The following DSCAML1 variants were observed in gnomAD, a reference collection of about 807,000 sequenced individuals.
DSCAML1 encodes the protein DS cell adhesion molecule like 1, also known as cell adhesion molecule DSCAML1.
In DSCAML1, 38 loss-of-function variants were observed where a neutral mutation model predicts 200.5. That is an observed-to-expected ratio of 0.19 (90% CI 0.15 to 0.25). The LOEUF (loss-of-function observed/expected upper bound fraction) is 0.25. Among genes scored for constraint, DSCAML1 ranks in the 10% least tolerant of loss-of-function variants. The pLI, the probability that DSCAML1 is intolerant of heterozygous loss-of-function variation, is 1.00. For synonymous variants in DSCAML1, 1,215 were observed against 1,165.0 expected, an observed-to-expected ratio of 1.04 and a Z score of -0.87; for missense variants, 2,223 against 2,858.8, an observed-to-expected ratio of 0.78 and a Z score of 5.07.
chr11:117,585,394 C>T (rs939863437), intron 3 of DSCAML1, among the ~76,000 whole-genome samples: 10 of 152,054 alleles, frequency 6.6e-5, no homozygotes, highest in East Asian at 3.9e-4. Flanking sequence ...GGACTACAGG[C>T]GCCCACCACC....
At chr11:117,739,577 G>T (rs755710411) in intron 3 of DSCAML1, among the ~76,000 whole-genome samples, 1 of 152,220 alleles carries the variant, frequency 6.6e-6, no homozygotes, top group Non-Finnish European at 1.5e-5. Flanking sequence ...CGTGAGCCAC[G>T]CAGTGCCCTC....
intron 11 of DSCAML1, among the ~76,000 whole-genome samples, chr11:117,491,795 ACC>A: frequency 6.6e-6 from 1 of 152,050 alleles, no homozygotes; most frequent in Admixed American, 6.6e-5. Flanking sequence ...AAAACAAAAA[ACC>A]CCATGAATAT....
intron 3 of DSCAML1, among the ~76,000 whole-genome samples, chr11:117,766,983 C>T (rs2054908925): frequency 6.6e-6 from 1 of 152,134 alleles, no homozygotes; most frequent in Non-Finnish European, 1.5e-5. Context: ...GTGTACCCCT[C>T]CCTGGCTGTG....
Position 117,441,067 on chromosome 11 carries a change from G to T in DSCAML1, c.3863-1131C>A, listed in dbSNP as rs75291868. ...ATGGTGGCCAGAATGCAGGCTGGAGGTGATGCGTAGCAGTGGGGAGATGAG... is the reference window on the plus strand; with the variant it reads ...ATGGTGGCCAGAATGCAGGCTGGAGTTGATGCGTAGCAGTGGGGAGATGAG... On this transcript the variant is annotated intron_variant, in intron 21 of 32. Coordinates refer to ENST00000651296, the MANE Select transcript of DSCAML1 (RefSeq NM_020693.4). Among the ~76,000 whole-genome samples, 862 of 152,256 alleles carry T rather than the reference G, an allele frequency of 5.7e-3. 17 individuals are homozygous for T. Among genetic ancestry groups the T allele is most frequent in the East Asian group, 0.032 (168 of 5,178 alleles).
chr11:117,792,732 T>C (rs1219582470), intron 1 of DSCAML1, among the ~76,000 whole-genome samples: 2 of 152,120 alleles, frequency 1.3e-5, no homozygotes, highest in Non-Finnish European at 2.9e-5. Flanking sequence ...ACCAGGAATC[T>C]AATGCGGGCC....
chr11:117,428,424 GC>G lies in DSCAML1; in HGVS notation c.6065del (p.Gly2022AlafsTer9). 6.4e-7 allele frequency: 1 copy of G among 1,554,156 alleles called. No individual in the cohort carries two copies. Among genetic ancestry groups the G allele is most frequent in the Non-Finnish European group, 8.7e-7 (1 of 1,154,088 alleles). On this transcript the variant is annotated frameshift_variant, in exon 33 of 33. Coordinates refer to ENST00000651296, the MANE Select transcript of DSCAML1 (RefSeq NM_020693.4). LOFTEE classifies it high-confidence loss of function. ...TCATCTCGAGAAGCGAGTCCCTGGA[GC>G]CCCCCATTTTGGTGTGTGGGCCCCC... is the stretch of plus-strand genomic sequence containing the variant. ...RAGGPHTKMG[G>X]SRDSLLEMST...
At chr11:117,773,060 C>T (rs943990014) in intron 3 of DSCAML1, among the ~76,000 whole-genome samples, 3 of 152,230 alleles carry the variant, frequency 2.0e-5, no homozygotes, top group Non-Finnish European at 4.4e-5. Context: ...GTTTCCTTGG[C>T]CAGCTTCAGG....
chr11:117,563,093 A>G (rs2050694969), intron 3 of DSCAML1, among the ~76,000 whole-genome samples: 1 of 152,228 alleles, frequency 6.6e-6, no homozygotes, highest in African/African-American at 2.4e-5. Context: ...AAGAGCAGTC[A>G]CTGCAGCACC....
intron 3 of DSCAML1, among the ~76,000 whole-genome samples, chr11:117,735,815 C>G (rs2054305983): frequency 6.6e-6 from 1 of 152,192 alleles, no homozygotes; most frequent in South Asian, 2.1e-4. Flanking sequence ...CTGGCTTCCC[C>G]CAAGCCCCAG....
intron 1 of DSCAML1, among the ~76,000 whole-genome samples, chr11:117,811,728 C>A (rs1181215681): frequency 6.6e-6 from 1 of 152,170 alleles, no homozygotes; most frequent in Non-Finnish European, 1.5e-5. Context: ...GACTCCTTCT[C>A]GGCTTAGCAG....
chr11:117,634,464 G>A (rs1045904742), intron 3 of DSCAML1, among the ~76,000 whole-genome samples: 3 of 152,170 alleles, frequency 2.0e-5, no homozygotes, highest in East Asian at 1.9e-4. Context: ...CCGAAGGCCC[G>A]TCCAGCTCCT....
chr11:117,699,850 CAT>C (rs2053639103), intron 3 of DSCAML1, among the ~76,000 whole-genome samples: 1 of 152,226 alleles, frequency 6.6e-6, no homozygotes, highest in Non-Finnish European at 1.5e-5. Flanking sequence ...ACATGCTGGA[CAT>C]ACACATACAC....
chr11:117,606,855 A>G (rs1272773208), intron 3 of DSCAML1, among the ~76,000 whole-genome samples: 1 of 152,226 alleles, frequency 6.6e-6, no homozygotes, highest in Non-Finnish European at 1.5e-5. Context: ...CTTTCTGTGG[A>G]TGGTGCCTGT....
At chr11:117,589,372 G>A (rs2051213962) in intron 3 of DSCAML1, among the ~76,000 whole-genome samples, 2 of 152,070 alleles carry the variant, frequency 1.3e-5, no homozygotes, top group Admixed American at 1.3e-4. Context: ...TATTCTAGGT[G>A]AACAAAGCAA....
intron 3 of DSCAML1, among the ~76,000 whole-genome samples, chr11:117,746,552 A>C (rs1361031096): frequency 3.3e-5 from 5 of 152,094 alleles, no homozygotes; most frequent in African/African-American, 1.2e-4. Flanking sequence ...CTCAGATCCA[A>C]GCCTCCCTCC....
chr11:117,446,025 T>C (rs1475574422), intron 20 of DSCAML1, among the ~76,000 whole-genome samples: 1 of 152,192 alleles, frequency 6.6e-6, no homozygotes, highest in Admixed American at 6.5e-5. Context: ...TGGAAATGAT[T>C]GATAAATTCA....
chr11:117,475,047 G>A lies in DSCAML1; in HGVS notation c.2786-3011C>T, dbSNP rs577646560. Among the ~76,000 whole-genome samples, 10 of 152,186 alleles carry A rather than the reference G, an allele frequency of 6.6e-5. 1 individual carries two copies. In the East Asian group the frequency reaches 1.7e-3, roughly 26 times the overall value. ...TGGGATTACAGGCGTGAGTCACCGC[G>A]CCTGGCCTCTGTGTCATTCTTGAAT... is the stretch of plus-strand genomic sequence containing the variant. On this transcript the variant is annotated intron_variant, in intron 14 of 32. Coordinates refer to ENST00000651296, the MANE Select transcript of DSCAML1 (RefSeq NM_020693.4).
chr11:117,524,693 T>C, intron 5 of DSCAML1, 112 bp downstream of exon 5: 1 of 1,339,346 alleles, frequency 7.5e-7, no homozygotes, highest in Non-Finnish European at 1.0e-6. Context: ...CAGCCAGGGT[T>C]ATTCCCAGGG....
At chr11:117,571,445 C>T (rs2050846583) in intron 3 of DSCAML1, among the ~76,000 whole-genome samples, 2 of 152,204 alleles carry the variant, frequency 1.3e-5, no homozygotes, top group Non-Finnish European at 2.9e-5. Context: ...AGCCCACTCT[C>T]TGGACTCTGT....
Sources: allele counts gnomAD v4.1 joint callset (sites outside exome capture counted in the v4.1 genomes callset), GRCh38; gene constraint gnomAD v4.1.1; transcripts MANE v1.5; gene names NCBI Gene and HGNC (gene_info 2026-07-23, HGNC 2026-07-21).